Variants in CSMD2 observed in about 807,000 individuals in gnomAD.
The protein encoded by CSMD2 is CUB and Sushi multiple domains 2.
In CSMD2, 130 loss-of-function variants were observed where a neutral mutation model predicts 398.5. That is an observed-to-expected ratio of 0.33 (90% CI 0.28 to 0.38). The LOEUF (loss-of-function observed/expected upper bound fraction) is 0.38. Ranked by LOEUF, CSMD2 falls within the 10% of genes least tolerant of loss-of-function variation. The pLI, the probability that CSMD2 is intolerant of heterozygous loss-of-function variation, is 1.00. For synonymous variants in CSMD2, 1,828 were observed against 1,908.5 expected (o/e 0.96, Z 1.10); for missense variants, 3,829 against 4,764.9 (o/e 0.80, Z 5.78).
intron 5 of CSMD2, among the ~76,000 whole-genome samples, chr1:33,911,272 A>G: frequency 6.6e-6 from 1 of 152,252 alleles, no homozygotes; most frequent in East Asian, 1.9e-4. Context: ...GATAAAGCAT[A>G]TGTGAATAAA....
At chr1:34,113,255 G>A (rs1381266575) in intron 1 of CSMD2, among the ~76,000 whole-genome samples, 1 of 152,176 alleles carries the variant, frequency 6.6e-6, no homozygotes, top group African/African-American at 2.4e-5. Context: ...TGCCCTCCAA[G>A]AGAAAGTGTG....
intron 25 of CSMD2, among the ~76,000 whole-genome samples, chr1:33,678,472 T>C (rs961173561): frequency 6.6e-6 from 1 of 152,044 alleles, no homozygotes; most frequent in Admixed American, 6.6e-5. Context: ...AGGAACACAA[T>C]AAACCCATCG....
intron 2 of CSMD2, among the ~76,000 whole-genome samples, chr1:34,081,940 C>G (rs1458750625): frequency 6.6e-6 from 1 of 151,902 alleles, no homozygotes; most frequent in East Asian, 2.0e-4. Flanking sequence ...GCCGCCACCC[C>G]GTCTAGGAAG....
intron 12 of CSMD2, among the ~76,000 whole-genome samples, chr1:33,774,101 CTGGGATTGTG>C (rs1651637107): frequency 7.0e-6 from 1 of 142,136 alleles, no homozygotes; most frequent in South Asian, 2.4e-4. Context: ...CATTCTATGG[CTGGGATTGTG>C]TGTGTGTGTG....
intron 3 of CSMD2, among the ~76,000 whole-genome samples, chr1:34,012,172 C>T (rs183632829): frequency 5.3e-5 from 8 of 152,268 alleles, no homozygotes; most frequent in Admixed American, 4.6e-4. Context: ...CCCATCCCCA[C>T]GAGCCACCCA....
chr1:33,523,219 G>T, intron 67 of CSMD2, 88 bp downstream of exon 67: 1 of 655,902 alleles, frequency 1.5e-6, no homozygotes, highest in Non-Finnish European at 2.7e-6. Flanking sequence ...TTGCCAGATT[G>T]ATCCTAGGGG....
chr1:34,114,058 C>T (rs560898282), intron 1 of CSMD2, among the ~76,000 whole-genome samples: 1 of 152,294 alleles, frequency 6.6e-6, no homozygotes, highest in Non-Finnish European at 1.5e-5. Context: ...GAACAAAAGA[C>T]AGTTCACTGG....
intron 4 of CSMD2, among the ~76,000 whole-genome samples, chr1:33,933,314 C>G (rs879603111): frequency 7.2e-5 from 11 of 152,086 alleles, no homozygotes; most frequent in Admixed American, 7.2e-4. Flanking sequence ...TGACAGATTC[C>G]TGGAGATATT....
chr1:33,549,622 G>C (rs1225575361), intron 56 of CSMD2, among the ~76,000 whole-genome samples: 2 of 152,178 alleles, frequency 1.3e-5, no homozygotes, highest in East Asian at 3.9e-4. Flanking sequence ...AAAAGTCTGG[G>C]GACTGGCGTT....
chr1:34,133,698 A>G (rs1638398614), intron 1 of CSMD2, among the ~76,000 whole-genome samples: 1 of 152,004 alleles, frequency 6.6e-6, no homozygotes, highest in Non-Finnish European at 1.5e-5. Context: ...ACACTTTCCC[A>G]TCCCTTGTGT....
At chr1:33,605,783 C>T in intron 41 of CSMD2, 1 of 1,124,944 alleles carries the variant, frequency 8.9e-7, no homozygotes, top group Non-Finnish European at 1.3e-6. Flanking sequence ...AGACATTGCT[C>T]AATTGAACCT....
rs142241832 is a variant in CSMD2 at position 34,124,303 on chromosome 1, T to C, written c.188-35110A>G. ...AAAATTCAACCATTTTGAATTTATG[T>C]CTGCTTGGAACTCACATAAAATTTG... is the stretch of plus-strand genomic sequence containing the variant. On this transcript the variant is annotated intron_variant, in intron 1 of 70. Transcript: ENST00000373381. Among the ~76,000 whole-genome samples, 273 of 152,336 alleles carry C rather than the reference T, an allele frequency of 1.8e-3. 1 individual carries two copies. Among genetic ancestry groups the C allele is most frequent in the African/African-American group, 6.2e-3 (257 of 41,586 alleles).
intron 44 of CSMD2, among the ~76,000 whole-genome samples, chr1:33,598,317 T>A (rs1255610961): frequency 1.3e-5 from 2 of 152,182 alleles, no homozygotes; most frequent in Non-Finnish European, 2.9e-5. Context: ...TGCTCACTCA[T>A]CCCCTAGTCC....
chr1:34,040,018 G>A (rs1017384051), intron 2 of CSMD2, among the ~76,000 whole-genome samples: 2 of 151,974 alleles, frequency 1.3e-5, no homozygotes, highest in Non-Finnish European at 1.5e-5. Flanking sequence ...TTGTCTGAGT[G>A]TGGTGGTTAC....
intron 40 of CSMD2, among the ~76,000 whole-genome samples, chr1:33,612,469 T>C (rs1641071979): frequency 6.6e-6 from 1 of 152,196 alleles, no homozygotes; most frequent in African/African-American, 2.4e-5. Context: ...GGTTTATGTG[T>C]TTTCAAGATT....
At chr1:33,696,998 T>A (rs1645439914) in intron 24 of CSMD2, among the ~76,000 whole-genome samples, 1 of 152,152 alleles carries the variant, frequency 6.6e-6, no homozygotes, top group Non-Finnish European at 1.5e-5. Context: ...ATACACAGCC[T>A]CAATCCCCTA....
At chr1:34,154,796 C>T (rs1272982398) in intron 1 of CSMD2, among the ~76,000 whole-genome samples, 3 of 146,578 alleles carry the variant, frequency 2.0e-5, no homozygotes, top group African/African-American at 5.1e-5. Flanking sequence ...GATGCAATCT[C>T]GGCTCACTGC....
At chr1:33,906,182 C>T (rs1162183169) in intron 5 of CSMD2, among the ~76,000 whole-genome samples, 1 of 152,156 alleles carries the variant, frequency 6.6e-6, no homozygotes, top group Non-Finnish European at 1.5e-5. Flanking sequence ...GGTGTTATAC[C>T]ACTGAGTTTT....
intron 3 of CSMD2, among the ~76,000 whole-genome samples, chr1:33,943,700 G>A (rs994012141): frequency 6.6e-6 from 1 of 151,854 alleles, no homozygotes; most frequent in Non-Finnish European, 1.5e-5. Flanking sequence ...ATAACACCCT[G>A]GCTTCCAAAC....
Sources: allele counts gnomAD v4.1 joint callset (sites outside exome capture counted in the v4.1 genomes callset), GRCh38; gene constraint gnomAD v4.1.1; transcripts MANE v1.5; gene names NCBI Gene and HGNC (gene_info 2026-07-23, HGNC 2026-07-21).